The following MGAT5 variants were observed in gnomAD, a reference collection of about 807,000 sequenced individuals.
MGAT5 encodes alpha-1,6-mannosylglycoprotein 6-beta-N-acetylglucosaminyltransferase.
In MGAT5, 30 loss-of-function variants were observed where a neutral mutation model predicts 94.3. The ratio of observed to expected loss-of-function variants is 0.32; its 90% CI spans 0.24 to 0.43. MGAT5 has a LOEUF of 0.43. Ranked by LOEUF, MGAT5 falls within the 20% of genes least tolerant of loss-of-function variation. The pLI, the probability that MGAT5 is intolerant of heterozygous loss-of-function variation, is 1.00. For missense variants in MGAT5, 691 were observed against 905.5 expected, an observed-to-expected ratio of 0.76 and a Z score of 3.04; for synonymous variants, 310 against 322.9, an observed-to-expected ratio of 0.96 and a Z score of 0.43.
At chr2:134,365,500 G>A (rs79386411) in intron 10 of MGAT5, among the ~76,000 whole-genome samples, 3,006 of 152,318 alleles carry the variant, frequency 0.02, 43 homozygotes, top group Non-Finnish European at 0.032. Flanking sequence ...GTCTGTGGCA[G>A]GAGGGCGAGG....
At chr2:134,331,340 T>G (rs1167247325) in intron 4 of MGAT5, among the ~76,000 whole-genome samples, 4 of 152,152 alleles carry the variant, frequency 2.6e-5, no homozygotes, top group Admixed American at 2.6e-4. Context: ...GGTCTTTGTT[T>G]GTTTTTGTTT....
In MGAT5 at chr2:134,402,974, G is replaced by C. The variant is rs1440293064; in HGVS notation, c.1381-14G>C. The C allele has an allele frequency of 1.9e-6, 3 of 1,578,916 alleles. No homozygotes were observed. The highest frequency in any genetic ancestry group is 2.6e-6 in the Non-Finnish European group (3 of 1,166,948). On this transcript the variant is annotated splice_polypyrimidine_tract_variant and intron_variant, in intron 10 of 15. Coordinates refer to ENST00000281923, the MANE Select transcript of MGAT5 (RefSeq NM_002410.5). ...AGAAAAAGAGAAATGTCTTGTGCTT[G>C]TTTTCTTCTTTAGAATAAGAAGATC... is the stretch of plus-strand genomic sequence containing the variant.
At chr2:134,171,086 C>G (rs1249341968) in intron 1 of MGAT5, among the ~76,000 whole-genome samples, 4 of 152,138 alleles carry the variant, frequency 2.6e-5, no homozygotes, top group African/African-American at 9.7e-5. Flanking sequence ...GTTTTAAACT[C>G]CTGACCTCAG....
intron 11 of MGAT5, among the ~76,000 whole-genome samples, chr2:134,404,364 C>T (rs1683224104): frequency 6.6e-6 from 1 of 152,216 alleles, no homozygotes; most frequent in African/African-American, 2.4e-5. Flanking sequence ...AGTGTATTCA[C>T]ATATGCTATC....
chr2:134,237,149 G>GTGTGTGTGTGTGTGTGTGCA (rs1553499213), intron 1 of MGAT5, among the ~76,000 whole-genome samples: 1 of 87,722 alleles, frequency 1.1e-5, no homozygotes, highest in Admixed American at 9.2e-5. Flanking sequence ...GTGTGTGTGT[G>GTGTGTGTGTGTGTGTGTGCA]CGCGTGTGTG....
At chr2:134,372,791 C>A (rs572206733) in intron 10 of MGAT5, among the ~76,000 whole-genome samples, 4 of 152,196 alleles carry the variant, frequency 2.6e-5, no homozygotes, top group Admixed American at 2.0e-4. Flanking sequence ...GCAGCCCTCC[C>A]AGCAGCATAA....
chr2:134,383,796 T>G (rs571457611), intron 10 of MGAT5, among the ~76,000 whole-genome samples: 209 of 151,996 alleles, frequency 1.4e-3, no homozygotes, highest in African/African-American at 4.9e-3. Flanking sequence ...CTCCGCCTCC[T>G]GGGTTCACAC....
intron 5 of MGAT5, 82 bp downstream of exon 5, chr2:134,336,370 G>A: frequency 1.7e-6 from 2 of 1,175,854 alleles, no homozygotes; most frequent in Non-Finnish European, 2.5e-6. Context: ...TTCTAGAAAT[G>A]CCAACTATAA....
chr2:134,440,659 A>AG (rs1170669747), intron 14 of MGAT5, among the ~76,000 whole-genome samples: 2 of 152,240 alleles, frequency 1.3e-5, no homozygotes, highest in Non-Finnish European at 2.9e-5. Context: ...AAAACTTCAT[A>AG]AAGTCTACGA....
intron 1 of MGAT5, among the ~76,000 whole-genome samples, chr2:134,224,364 G>A (rs1680944324): frequency 6.6e-6 from 1 of 152,184 alleles, no homozygotes; most frequent in Non-Finnish European, 1.5e-5. Flanking sequence ...TCTTCTGGAA[G>A]ACAGGGAGGG....
chr2:134,297,702 A>T (rs62167996), intron 2 of MGAT5, among the ~76,000 whole-genome samples: 23,996 of 152,140 alleles, frequency 0.16, 2,032 homozygotes, highest in Middle Eastern at 0.36. Context: ...TTCTCAACAA[A>T]CTAGGAAAAA....
At chr2:134,318,583 G>A (rs564267043) in intron 3 of MGAT5, 67 bp from the exon 4 acceptor site, 22 of 1,166,136 alleles carry the variant, frequency 1.9e-5, no homozygotes, top group Middle Eastern at 2.1e-4. Context: ...TTCTATCCTC[G>A]CCTTCCCTGT....
At chr2:134,448,560 T>C (rs1685926011) in intron 15 of MGAT5, 89 bp from the exon 16 acceptor site, 4 of 1,186,126 alleles carry the variant, frequency 3.4e-6, no homozygotes, top group Non-Finnish European at 2.5e-6. Context: ...CATCCCCCCA[T>C]GCCTCAAGAT....
At chr2:134,330,419 A>C (rs1016923917) in intron 4 of MGAT5, among the ~76,000 whole-genome samples, 2 of 152,086 alleles carry the variant, frequency 1.3e-5, no homozygotes, top group Non-Finnish European at 2.9e-5. Context: ...AGAGGCAACA[A>C]ATTTCAGTTG....
intron 3 of MGAT5, among the ~76,000 whole-genome samples, chr2:134,318,436 G>C (rs1228037421): frequency 3.3e-5 from 5 of 152,122 alleles, no homozygotes; most frequent in African/African-American, 1.2e-4. Flanking sequence ...TTCTGCTGAG[G>C]CCTAACGTAA....
intron 2 of MGAT5, among the ~76,000 whole-genome samples, chr2:134,299,113 A>T (rs1313474109): frequency 6.6e-6 from 1 of 152,122 alleles, no homozygotes; most frequent in African/African-American, 2.4e-5. Context: ...CGTCAATACC[A>T]CTATCATCAT....
chr2:134,441,316 T>A (rs1157141267), intron 14 of MGAT5, among the ~76,000 whole-genome samples: 1 of 151,962 alleles, frequency 6.6e-6, no homozygotes, highest in Non-Finnish European at 1.5e-5. Flanking sequence ...CAAGATAGGG[T>A]AGACACAGTG....
chr2:134,300,680 C>A (rs537853779), intron 2 of MGAT5, among the ~76,000 whole-genome samples: 1 of 152,228 alleles, frequency 6.6e-6, no homozygotes, highest in South Asian at 2.1e-4. Flanking sequence ...TTTAGCACTG[C>A]CAGCCCACAA....
chr2:134,129,465 C>A (rs1223831051), intron 1 of MGAT5, among the ~76,000 whole-genome samples: 2 of 152,162 alleles, frequency 1.3e-5, no homozygotes, highest in East Asian at 3.8e-4. Flanking sequence ...TCTTTGGGGG[C>A]CCCTTTTCTG....
Sources: allele counts gnomAD v4.1 joint callset (sites outside exome capture counted in the v4.1 genomes callset), GRCh38; gene constraint gnomAD v4.1.1; transcripts MANE v1.5; gene names NCBI Gene and HGNC (gene_info 2026-07-23, HGNC 2026-07-21).